Variants in PRR11 observed in about 807,000 individuals in gnomAD.
PRR11 encodes proline-rich protein 11.
Under a neutral mutation model 45.6 loss-of-function variants are expected in PRR11, and 30 were observed. The ratio of observed to expected loss-of-function variants is 0.66; its 90% CI spans 0.49 to 0.89. The LOEUF (loss-of-function observed/expected upper bound fraction) is 0.89, where lower values mean the gene tolerates loss of function less well. Among genes scored for constraint, PRR11 ranks in the 40% least tolerant of loss-of-function variants. The pLI, the probability that PRR11 is intolerant of heterozygous loss-of-function variation, is 0.00. For missense variants in PRR11, 373 were observed against 424.8 expected (o/e 0.88, Z 1.07); for synonymous variants, 128 against 153.5 (o/e 0.83, Z 1.23).
chr17:59,191,404 A>C (rs2147853003), intron 4 of PRR11, among the ~76,000 whole-genome samples: 1 of 151,880 alleles, frequency 6.6e-6, no homozygotes, highest in East Asian at 1.9e-4. Context: ...TTTTTAGTAG[A>C]GATGAGGTTT....
intron 1 of PRR11, among the ~76,000 whole-genome samples, chr17:59,157,646 G>A (rs1177516325): frequency 2.0e-5 from 3 of 151,852 alleles, no homozygotes; most frequent in Non-Finnish European, 4.4e-5. Context: ...AGGTGGCATT[G>A]AGCTGAGATC....
At chr17:59,181,247 G>A (rs1305197353) in intron 2 of PRR11, among the ~76,000 whole-genome samples, 4 of 150,546 alleles carry the variant, frequency 2.7e-5, no homozygotes, top group African/African-American at 4.9e-5. Flanking sequence ...CTCGGCCTCC[G>A]AAAGTGCTGG....
At position 59,201,662 on chromosome 17, in the gene PRR11, C is replaced by A. The variant is rs550176573; in HGVS notation, c.*31C>A. On this transcript the variant is annotated 3_prime_UTR_variant, in exon 10 of 10. Transcript: ENST00000262293. ...ACTCTGCCTCACTCCATGAGATGATCCATAACAAATACAGATAAAAACACC... is the reference window on the plus strand; with the variant it reads ...ACTCTGCCTCACTCCATGAGATGATACATAACAAATACAGATAAAAACACC... The A allele has an allele frequency of 6.2e-7, 1 of 1,604,610 alleles. No individual in the cohort carries two copies. The highest frequency in any genetic ancestry group is 1.7e-5 in the Admixed American group (1 of 59,954).
chr17:59,178,456 G>A (rs948794984), intron 2 of PRR11: 18 of 510,202 alleles, frequency 3.5e-5, no homozygotes, highest in Admixed American at 2.6e-4. Context: ...ACACGGTTCC[G>A]TGGAGAACAA....
chr17:59,201,897 A>G lies in PRR11; in HGVS notation c.*266A>G. 2.6e-6 allele frequency: 1 copy of G among 381,618 alleles called. No individual in the cohort carries two copies. Among genetic ancestry groups the G allele is most frequent in the East Asian group, 4.8e-5 (1 of 20,742 alleles). 23.6% of individuals were successfully genotyped at this position (381,618 alleles called of 1,614,324 possible). A position where few individuals can be genotyped will look rare whatever the true frequency, so the allele number is the denominator to read the frequency against. ...AAGGCAGGAGAATTGCTTGAACCCA[A>G]GAGGCAGAGGTTGCAGTGAGCCAAG... On this transcript the variant is annotated 3_prime_UTR_variant, in exon 10 of 10. Coordinates refer to ENST00000262293, the MANE Select transcript of PRR11 (RefSeq NM_018304.4).
At chr17:59,173,368 G>T (rs2046721813) in intron 2 of PRR11, among the ~76,000 whole-genome samples, 1 of 152,224 alleles carries the variant, frequency 6.6e-6, no homozygotes, top group Non-Finnish European at 1.5e-5. Flanking sequence ...CGCTGTGGAA[G>T]GTTTGTTCTT....
At chr17:59,174,997 G>A (rs536092645) in intron 2 of PRR11, 19 of 738,090 alleles carry the variant, frequency 2.6e-5, no homozygotes, top group Non-Finnish European at 3.5e-5. Flanking sequence ...GCCCTCCAGC[G>A]CATGGAACGG....
At position 59,169,809 on chromosome 17, in the gene PRR11, C is replaced by CA. The variant is rs753236928; in HGVS notation, c.66dup (p.Glu23ArgfsTer46). 1.1e-4 allele frequency: 183 copies of CA among 1,594,662 alleles called. No homozygotes were observed. Among genetic ancestry groups the CA allele is most frequent in the East Asian group, 1.0e-3 (46 of 44,246 alleles). ...TAAAAGCCAAAGCCGAAAGATTATTCAAAAAAAAAGAAGCCTCTCACTTTC... is the reference window on the plus strand; with the variant it reads ...TAAAAGCCAAAGCCGAAAGATTATTCAAAAAAAAAAGAAGCCTCTCACTTTC... On this transcript the variant is annotated frameshift_variant, in exon 2 of 10. Transcript: ENST00000262293. LOFTEE classifies it high-confidence loss of function.
chr17:59,194,661 C>T, intron 5 of PRR11, 96 bp from the exon 6 acceptor site: 2 of 836,692 alleles, frequency 2.4e-6, no homozygotes, highest in Non-Finnish European at 3.8e-6. Context: ...TAAGAGTTAC[C>T]TCTTAACTCT....
intron 2 of PRR11, among the ~76,000 whole-genome samples, chr17:59,180,766 A>G (rs1433656476): frequency 1.1e-4 from 16 of 151,148 alleles, no homozygotes; most frequent in African/African-American, 3.9e-4. Flanking sequence ...TCAGCCTCCC[A>G]AAGTGCTGGG....
At chr17:59,190,643 G>A (rs1227429590) in intron 4 of PRR11, among the ~76,000 whole-genome samples, 2 of 152,218 alleles carry the variant, frequency 1.3e-5, no homozygotes, top group Admixed American at 1.3e-4. Flanking sequence ...CTAGGGTATG[G>A]CTGGATTCAG....
At chr17:59,178,727 G>C (rs990119719) in intron 2 of PRR11, among the ~76,000 whole-genome samples, 1 of 152,180 alleles carries the variant, frequency 6.6e-6, no homozygotes, top group African/African-American at 2.4e-5. Context: ...CCTGAGAAGA[G>C]GCTGAAGGAG....
At chr17:59,177,220 C>T (rs751523003) in intron 2 of PRR11, 84 of 547,402 alleles carry the variant, frequency 1.5e-4, no homozygotes, top group Middle Eastern at 6.3e-4. Flanking sequence ...GAGGCCGGCG[C>T]GGCTAAAATA....
In PRR11 at chr17:59,169,779, A is replaced by C. The variant is rs1365015923; in HGVS notation, c.27A>C (p.Arg9=). 1 of 1,600,880 alleles carries C rather than the reference A, an allele frequency of 6.2e-7. No homozygotes were observed. Among genetic ancestry groups the C allele is most frequent in the East Asian group, 2.2e-5 (1 of 44,824 alleles). MPKFKQRR[R]KLKAKAERLF... ...TGCCCAAGTTCAAACAACGAAGACG[A>C]AAGCTAAAAGCCAAAGCCGAAAGAT... is the stretch of plus-strand genomic sequence containing the variant. The change falls in exon 2 of 10, where the codon CGA becomes CGC. Residue 9 remains arginine, a synonymous_variant. Coordinates refer to ENST00000262293, the MANE Select transcript of PRR11 (RefSeq NM_018304.4).
intron 2 of PRR11, 41 bp from the exon 3 acceptor site, chr17:59,185,013 C>T: frequency 6.3e-7 from 1 of 1,589,686 alleles, no homozygotes; most frequent in Admixed American, 1.7e-5. Context: ...ATTATTCTGA[C>T]TTAGGGGTTT....
chr17:59,161,142 C>T (rs1431369921), intron 1 of PRR11, among the ~76,000 whole-genome samples: 1 of 152,114 alleles, frequency 6.6e-6, no homozygotes, highest in Non-Finnish European at 1.5e-5. Context: ...CATGGTGGCT[C>T]ATGCCTATAA....
chr17:59,200,800 T>A (rs542473021), intron 9 of PRR11, among the ~76,000 whole-genome samples: 312 of 152,198 alleles, frequency 2.0e-3, no homozygotes, highest in Admixed American at 4.3e-3. Context: ...CCTGTTTTTT[T>A]AAAATTTATA....
At chr17:59,194,714 T>C (rs1199525998) in intron 5 of PRR11, 43 bp from the exon 6 acceptor site, 2 of 1,472,826 alleles carry the variant, frequency 1.4e-6, no homozygotes, top group Non-Finnish European at 1.9e-6. Flanking sequence ...TCACCAGTTG[T>C]GCTGGTTCCA....
chr17:59,190,260 A>G (rs1178678461), intron 4 of PRR11, among the ~76,000 whole-genome samples: 1 of 152,174 alleles, frequency 6.6e-6, no homozygotes, highest in Non-Finnish European at 1.5e-5. Flanking sequence ...TCCCAAGGTC[A>G]GGAGATCGAG....
Sources: allele counts gnomAD v4.1 joint callset (sites outside exome capture counted in the v4.1 genomes callset), GRCh38; gene constraint gnomAD v4.1.1; transcripts MANE v1.5; gene names NCBI Gene and HGNC (gene_info 2026-07-23, HGNC 2026-07-21).